EVA1C: variants seen among roughly 807,000 people sequenced by gnomAD.
EVA1C encodes the protein protein eva-1 homolog C.
EVA1C carries 25 observed loss-of-function variants against 45.4 expected under a neutral mutation model. The ratio of observed to expected loss-of-function variants is 0.55; its 90% confidence interval spans 0.40 to 0.77. The LOEUF is 0.77. Among genes scored for constraint, EVA1C ranks in the 30% least tolerant of loss-of-function variants. EVA1C has a pLI of 0.00. For missense variants in EVA1C, 479 were observed against 554.8 expected (o/e 0.86, Z 1.37); for synonymous variants, 190 against 221.2 (o/e 0.86, Z 1.25).
At chr21:32,509,010 C>T (rs774107760) in intron 7 of EVA1C, among the ~76,000 whole-genome samples, 4 of 152,162 alleles carry the variant, frequency 2.6e-5, no homozygotes, top group Admixed American at 6.5e-5. Flanking sequence ...TTCCAGAATA[C>T]GGAATAGGAA....
intron 3 of EVA1C, among the ~76,000 whole-genome samples, chr21:32,460,218 CA>C (rs1484732679): frequency 6.6e-6 from 1 of 152,150 alleles, no homozygotes; most frequent in Non-Finnish European, 1.5e-5. Flanking sequence ...GGGTATTTCT[CA>C]ACCTTCCTTC....
At position 32,461,874 on chromosome 21, in the gene EVA1C, A is replaced by G. The variant is rs2036009816; in HGVS notation, c.481+4154A>G. Among the ~76,000 whole-genome samples, 2 of 152,182 alleles carry G rather than the reference A, an allele frequency of 1.3e-5. 1 individual carries two copies. Among genetic ancestry groups the G allele is most frequent in the South Asian group, 4.1e-4 (2 of 4,832 alleles). On this transcript the variant is annotated intron_variant, in intron 3 of 7. Transcript: ENST00000300255. ...CTTGGATTTAGGCAGTTCTGGGTTC[A>G]TATTCCTTTCTGCTGCATATCGTAT...
At chr21:32,487,529 G>C (rs1335567728) in intron 4 of EVA1C, among the ~76,000 whole-genome samples, 1 of 152,074 alleles carries the variant, frequency 6.6e-6, no homozygotes, top group Non-Finnish European at 1.5e-5. Context: ...AGACCAGCCT[G>C]GCCAACATGG....
chr21:32,420,404 A>C (rs2034222945), intron 1 of EVA1C, among the ~76,000 whole-genome samples: 1 of 152,186 alleles, frequency 6.6e-6, no homozygotes, highest in African/African-American at 2.4e-5. Flanking sequence ...TTTACTTTTG[A>C]GATAGGGTCT....
At position 32,455,357 on chromosome 21, in the gene EVA1C, G is replaced by A. The variant is rs115995745; in HGVS notation, c.357+1849G>A. ...AAAAACAGTATTAATCCATTCATAA[G>A]GGTGAAGACCTGATGGTCTAATCAC... is the stretch of plus-strand genomic sequence containing the variant. On this transcript the variant is annotated intron_variant, in intron 2 of 7. Coordinates refer to ENST00000300255, the MANE Select transcript of EVA1C (RefSeq NM_058187.5). Among the ~76,000 whole-genome samples, 816 of 152,206 alleles carry A rather than the reference G, an allele frequency of 5.4e-3. 9 individuals are homozygous for A. Among genetic ancestry groups the A allele is most frequent in the African/African-American group, 0.019 (791 of 41,500 alleles).
intron 5 of EVA1C, among the ~76,000 whole-genome samples, chr21:32,499,528 C>T (rs556926970): frequency 6.6e-6 from 1 of 152,320 alleles, no homozygotes; most frequent in Admixed American, 6.5e-5. Flanking sequence ...AACTCACAAT[C>T]TAGGAATGTC....
intron 1 of EVA1C, among the ~76,000 whole-genome samples, chr21:32,451,670 G>T (rs922522201): frequency 3.3e-5 from 5 of 152,174 alleles, no homozygotes; most frequent in African/African-American, 1.2e-4. Flanking sequence ...GAAGGTTCTA[G>T]GGAAGAATCC....
At chr21:32,428,975 G>A (rs1298274114) in intron 1 of EVA1C, among the ~76,000 whole-genome samples, 2 of 151,884 alleles carry the variant, frequency 1.3e-5, no homozygotes, top group Non-Finnish European at 1.5e-5. Context: ...GTCCAAGGCT[G>A]ATTCTATTTT....
At chr21:32,510,672 C>A (rs546844697) in intron 7 of EVA1C, among the ~76,000 whole-genome samples, 1 of 152,220 alleles carries the variant, frequency 6.6e-6, no homozygotes, top group South Asian at 2.1e-4. Context: ...GTGTTTCATC[C>A]CTGGTTTTCA....
At chr21:32,439,757 A>G (rs948867394) in intron 1 of EVA1C, among the ~76,000 whole-genome samples, 2 of 152,172 alleles carry the variant, frequency 1.3e-5, no homozygotes, top group Admixed American at 1.3e-4. Context: ...TCAAGTGTAC[A>G]GTAAACCTGT....
At chr21:32,494,839 T>G (rs556065916) in intron 4 of EVA1C, among the ~76,000 whole-genome samples, 188 bp from the exon 5 acceptor site, 66 of 152,002 alleles carry the variant, frequency 4.3e-4, no homozygotes, top group African/African-American at 1.5e-3. Context: ...GCTCTGGGAC[T>G]TCTAGGACAG....
chr21:32,475,673 C>T (rs770695962), intron 4 of EVA1C, among the ~76,000 whole-genome samples: 4 of 152,024 alleles, frequency 2.6e-5, no homozygotes, highest in Non-Finnish European at 4.4e-5. Flanking sequence ...AAATAATTTA[C>T]GTAACTGTTC....
intron 1 of EVA1C, among the ~76,000 whole-genome samples, chr21:32,451,688 C>A (rs1320289871): frequency 6.6e-6 from 1 of 152,328 alleles, no homozygotes; most frequent in East Asian, 1.9e-4. Context: ...TCCTTCCTGG[C>A]CTTTTCCAGC....
At chr21:32,472,940 C>T (rs1293267464) in intron 4 of EVA1C, among the ~76,000 whole-genome samples, 1 of 152,260 alleles carries the variant, frequency 6.6e-6, no homozygotes, top group Non-Finnish European at 1.5e-5. Flanking sequence ...GGACCAGACT[C>T]TTCTCTGCAT....
intron 4 of EVA1C, among the ~76,000 whole-genome samples, chr21:32,482,931 A>AGG (rs2036840957): frequency 7.9e-6 from 1 of 126,186 alleles, no homozygotes; most frequent in African/African-American, 3.1e-5. Context: ...ATCATAGCTC[A>AGG]CTGCAGCCTC....
Position 32,457,701 on chromosome 21 carries a change from C to T in EVA1C, c.462C>T (p.Val154=), listed in dbSNP as rs1399568064. 5 of 1,614,180 alleles carry T rather than the reference C, an allele frequency of 3.1e-6. No individual in the cohort carries two copies. Among genetic ancestry groups the T allele is most frequent in the Non-Finnish European group, 4.2e-6 (5 of 1,180,028 alleles). The part of the protein sequence containing the change: ...LCPGSSKYLL[V]SFKCQPNELK... ...CAGGAAGCAGTAAATACCTCCTGGTCTCCTTTAAATGCCAACCTAGTAAGT... is the reference window on the plus strand; with the variant it reads ...CAGGAAGCAGTAAATACCTCCTGGTTTCCTTTAAATGCCAACCTAGTAAGT... Residue 154 remains valine, a synonymous_variant, in exon 3 of 8, where the codon GTC becomes GTT. Transcript: ENST00000300255.
At chr21:32,504,515 A>T (rs528753956) in intron 7 of EVA1C, among the ~76,000 whole-genome samples, 1 of 152,304 alleles carries the variant, frequency 6.6e-6, no homozygotes, top group East Asian at 1.9e-4. Context: ...AGCCCTCATG[A>T]ATTAGCAGAG....
chr21:32,459,619 A>G (rs2035921781), intron 3 of EVA1C, among the ~76,000 whole-genome samples: 1 of 151,912 alleles, frequency 6.6e-6, no homozygotes, highest in Non-Finnish European at 1.5e-5. Context: ...AGGCGGGTAG[A>G]TCACCTCAGG....
chr21:32,442,034 C>T (rs1453549455), intron 1 of EVA1C, among the ~76,000 whole-genome samples: 4 of 152,202 alleles, frequency 2.6e-5, no homozygotes, highest in East Asian at 1.9e-4. Context: ...GCCCTCTTTC[C>T]ATTGCCCAGA....
Sources: gnomAD v4.1 joint callset for allele counts (sites outside exome capture counted in the v4.1 genomes callset) on GRCh38, gnomAD v4.1.1 for gene constraint, MANE v1.5 for transcripts, NCBI Gene and HGNC (gene_info 2026-07-23, HGNC 2026-07-21) for gene names.